ROCK1: variants seen among roughly 807,000 people sequenced by gnomAD.
The protein encoded by ROCK1 is rho-associated protein kinase 1.
In ROCK1, 36 loss-of-function variants were observed where a neutral mutation model predicts 196.8. The observed-to-expected ratio is 0.18, with a 90% CI of 0.14 to 0.24. The LOEUF (loss-of-function observed/expected upper bound fraction) is 0.24, where lower values mean the gene tolerates loss of function less well. ROCK1 is among the 10% of genes least tolerant of loss of function. ROCK1 has a pLI of 1.00. For missense variants in ROCK1, 920 were observed against 1,562.0 expected (o/e 0.59, Z 6.93); for synonymous variants, 443 against 515.9 (o/e 0.86, Z 1.91).
intron 1 of ROCK1, among the ~76,000 whole-genome samples, chr18:21,106,603 T>C (rs1376012896): frequency 6.6e-6 from 1 of 152,224 alleles, no homozygotes; most frequent in African/African-American, 2.4e-5. Context: ...AATTAGAAGA[T>C]AAGGAAGTCC....
In ROCK1 at chr18:20,979,728, TA is replaced by T. The variant is rs1421548492; in HGVS notation, c.2654+181del. On this transcript the variant is annotated intron_variant, in intron 22 of 32. Coordinates refer to ENST00000399799, the MANE Select transcript of ROCK1 (RefSeq NM_005406.3). ...CTCTGCAATTGGTACAGTGTTGATT[TA>T]TAGCACTGTTTTTTTCACCATAAAG... 2.6e-5 allele frequency among the ~76,000 whole-genome samples: 4 copies of T among 152,348 alleles called. No individual in the cohort carries two copies. In the South Asian group the frequency reaches 8.3e-4, roughly 32 times the overall value.
intron 4 of ROCK1, among the ~76,000 whole-genome samples, chr18:21,045,899 G>GTTTCTTT (rs746861081): frequency 6.4e-5 from 4 of 62,496 alleles, no homozygotes; most frequent in African/African-American, 2.1e-4. Flanking sequence ...AGTTTCAGCT[G>GTTTCTTT]TTTTTTTTTT....
At chr18:21,086,993 T>G (rs1425174995) in intron 1 of ROCK1, among the ~76,000 whole-genome samples, 3 of 141,802 alleles carry the variant, frequency 2.1e-5, no homozygotes. Flanking sequence ...TGTTGCTTGT[T>G]TCTCAATGCA....
At position 20,948,936 on chromosome 18, in the gene ROCK1, G is replaced by GT. The variant is rs1568363802; in HGVS notation, c.*2447dup. The GT allele has an allele frequency of 6.7e-6, 1 of 148,692 alleles. No homozygotes were observed. Among genetic ancestry groups the GT allele is most frequent in the African/African-American group, 2.5e-5 (1 of 40,520 alleles). The allele number at this position is 148,692 out of a possible 1,614,324, so 9.2% of individuals were successfully genotyped here. On this transcript the variant is annotated 3_prime_UTR_variant, in exon 33 of 33. Coordinates refer to ENST00000399799, the MANE Select transcript of ROCK1 (RefSeq NM_005406.3). The stretch of plus-strand genomic sequence containing the variant: ...AGGTAGATTGTAGCAAGCCTGACAA[G>GT]TGTTGCAGAGAACCAGCAGTGGTAG...
At chr18:20,969,701 T>G (rs2035408088) in intron 23 of ROCK1, among the ~76,000 whole-genome samples, 1 of 152,148 alleles carries the variant, frequency 6.6e-6, no homozygotes, top group African/African-American at 2.4e-5. Context: ...ATAACAATCA[T>G]GTGGAAGAGA....
intron 1 of ROCK1, among the ~76,000 whole-genome samples, chr18:21,093,787 T>C (rs185630562): frequency 6.6e-6 from 1 of 152,118 alleles, no homozygotes; most frequent in East Asian, 1.9e-4. Flanking sequence ...AAACCCCATC[T>C]CTACTAAAAA....
intron 16 of ROCK1, among the ~76,000 whole-genome samples, chr18:21,001,791 T>C (rs953776426): frequency 2.0e-5 from 3 of 148,532 alleles, no homozygotes; most frequent in South Asian, 4.2e-4. Context: ...AAGAAATACA[T>C]GGGAGGCTAT....
intron 1 of ROCK1, among the ~76,000 whole-genome samples, chr18:21,098,469 T>A (rs534851379): frequency 1.8e-4 from 28 of 152,230 alleles, no homozygotes; most frequent in African/African-American, 5.8e-4. Context: ...ACATTAAGCA[T>A]CAGAGAAAAT....
At chr18:21,058,720 T>C (rs1377170595) in intron 2 of ROCK1, among the ~76,000 whole-genome samples, 4 of 152,062 alleles carry the variant, frequency 2.6e-5, no homozygotes, top group East Asian at 1.9e-4. Context: ...GCCGGGACTA[T>C]AGGCACACAA....
intron 9 of ROCK1, 24 bp from the exon 10 acceptor site, chr18:21,028,959 G>C (rs759214319): frequency 3.1e-6 from 5 of 1,596,948 alleles, no homozygotes; most frequent in Non-Finnish European, 4.3e-6. Flanking sequence ...AAAATTAGTT[G>C]TTCACTTCAA....
At position 21,006,475 on chromosome 18, in the gene ROCK1, C is replaced by G. The variant is rs1292633146; in HGVS notation, c.1761G>C (p.Glu587Asp). ...TAGAATTCTCTAAAATTCGATTTCTCTCTTGCAACTCTCTGTTCAGGGACT... is the reference window on the plus strand; with the variant it reads ...TAGAATTCTCTAAAATTCGATTTCTGTCTTGCAACTCTCTGTTCAGGGACT... ...QLESLNRELQ[E>D]RNRILENSKS... The change falls in exon 16 of 33, where the codon GAG becomes GAC. Residue 587 changes from glutamate to aspartate, a missense_variant. By Grantham distance (45) the Glu-to-Asp change is conservative. Transcript: ENST00000399799. The G allele has an allele frequency of 1.9e-6, 3 of 1,613,800 alleles. No homozygotes were observed. The highest frequency in any genetic ancestry group is 1.1e-5 in the South Asian group (1 of 91,078).
At chr18:20,994,733 A>G (rs762539535) in intron 16 of ROCK1, among the ~76,000 whole-genome samples, 3 of 152,214 alleles carry the variant, frequency 2.0e-5, no homozygotes, top group Non-Finnish European at 2.9e-5. Flanking sequence ...AACCACATGA[A>G]AGAGACAAAT....
intron 1 of ROCK1, among the ~76,000 whole-genome samples, chr18:21,081,679 G>A (rs948062798): frequency 2.6e-5 from 4 of 152,146 alleles, no homozygotes; most frequent in African/African-American, 7.2e-5. Flanking sequence ...TAAAAGTGAC[G>A]ACATTCCTAT....
chr18:21,063,126 T>C (rs1193147576), intron 2 of ROCK1, among the ~76,000 whole-genome samples: 3 of 152,150 alleles, frequency 2.0e-5, no homozygotes, highest in Non-Finnish European at 4.4e-5. Context: ...AAGAGCTCAC[T>C]TTTATAACCC....
intron 1 of ROCK1, among the ~76,000 whole-genome samples, chr18:21,101,398 T>G (rs185727773): frequency 6.6e-6 from 1 of 152,278 alleles, no homozygotes; most frequent in East Asian, 1.9e-4. Flanking sequence ...CAGGCAGACA[T>G]TATGCACCTC....
chr18:21,104,735 G>C (rs2036689318), intron 1 of ROCK1, among the ~76,000 whole-genome samples: 1 of 152,156 alleles, frequency 6.6e-6, no homozygotes. Context: ...CACACAGAAA[G>C]AGAACAAGAT....
At chr18:21,049,056 T>TA (rs1473136814) in intron 4 of ROCK1, 36 bp downstream of exon 4, 1 of 1,525,254 alleles carries the variant, frequency 6.6e-7, no homozygotes, top group Non-Finnish European at 8.8e-7. Flanking sequence ...AGTTACAAAC[T>TA]AATGCAGCAA....
At chr18:21,006,194 C>T (rs1215033063) in intron 16 of ROCK1, among the ~76,000 whole-genome samples, 157 bp downstream of exon 16, 1 of 152,038 alleles carries the variant, frequency 6.6e-6, no homozygotes, top group Non-Finnish European at 1.5e-5. Context: ...AAGCCAGACG[C>T]AAAAGGACAA....
At chr18:21,018,530 CAAA>C (rs200960983) in intron 12 of ROCK1, among the ~76,000 whole-genome samples, 5 of 91,878 alleles carry the variant, frequency 5.4e-5, no homozygotes, top group East Asian at 3.2e-4. Flanking sequence ...GATTTCGTCT[CAAA>C]AAAAAAAAAA....
Sources: gnomAD v4.1 joint callset for allele counts (sites outside exome capture counted in the v4.1 genomes callset) on GRCh38, gnomAD v4.1.1 for gene constraint, MANE v1.5 for transcripts, NCBI Gene and HGNC (gene_info 2026-07-23, HGNC 2026-07-21) for gene names.